Variants in PACS1 observed in about 807,000 individuals in gnomAD.
PACS1 encodes phosphofurin acidic cluster sorting protein 1.
A neutral mutation model predicts 115.0 loss-of-function variants in PACS1; 24 were observed. That is an observed-to-expected ratio of 0.21 (90% CI 0.15 to 0.29). PACS1 has a LOEUF of 0.29. PACS1 is among the 10% of genes least tolerant of loss of function. The probability of loss-of-function intolerance (pLI) is 1.00; values close to 1 mark genes in which losing one functional copy is unlikely to be tolerated. For missense variants in PACS1, 838 were observed against 1,251.2 expected, an observed-to-expected ratio of 0.67 and a Z score of 4.98; for synonymous variants, 453 against 504.5, an observed-to-expected ratio of 0.90 and a Z score of 1.37.
At chr11:66,145,053 A>C (rs17147371) in intron 1 of PACS1, among the ~76,000 whole-genome samples, 26,089 of 152,200 alleles carry the variant, frequency 0.17, 2,782 homozygotes, top group Admixed American at 0.3. Context: ...CAGAATCAGA[A>C]CTTTAGTAGT....
intron 2 of PACS1, among the ~76,000 whole-genome samples, chr11:66,194,050 G>A (rs1251683880): frequency 1.3e-5 from 2 of 152,214 alleles, no homozygotes; most frequent in Admixed American, 6.5e-5. Context: ...TGCAAGCTCC[G>A]CCTCCCGGGT....
chr11:66,218,776 C>G (rs748128557), intron 7 of PACS1: 5 of 151,222 alleles, frequency 3.3e-5, no homozygotes, highest in Non-Finnish European at 5.9e-5. Flanking sequence ...AGGAGAGTCA[C>G]TTGAACCAGG....
intron 1 of PACS1, among the ~76,000 whole-genome samples, chr11:66,094,353 A>T (rs1337511573): frequency 6.6e-6 from 1 of 150,838 alleles, no homozygotes; most frequent in African/African-American, 2.4e-5. Flanking sequence ...ATAAAAAATG[A>T]TAAAGGGGAT....
chr11:66,088,488 A>G (rs1178142759), intron 1 of PACS1, among the ~76,000 whole-genome samples: 1 of 152,180 alleles, frequency 6.6e-6, no homozygotes, highest in Non-Finnish European at 1.5e-5. Flanking sequence ...TCAACCCTGT[A>G]CCATTTATTT....
At chr11:66,094,498 A>G (rs1379205109) in intron 1 of PACS1, among the ~76,000 whole-genome samples, 5 of 151,810 alleles carry the variant, frequency 3.3e-5, no homozygotes, top group Non-Finnish European at 7.4e-5. Context: ...TAAACCAGGA[A>G]GAAGTTGAAT....
At chr11:66,153,596 A>G (rs1034283640) in intron 1 of PACS1, among the ~76,000 whole-genome samples, 22 of 152,144 alleles carry the variant, frequency 1.4e-4, no homozygotes, top group Admixed American at 1.4e-3. Context: ...CCTGGCTAAC[A>G]CGGTGAAACC....
Position 66,132,085 on chromosome 11 carries a change from C to T in PACS1, c.356+61243C>T, listed in dbSNP as rs1218140287. Reference sequence around the variant, plus strand: ...ATACTGATATAGGTTAGCTGTGTGTCCCCACTCAAATCTCATCTTGAATTG... The same window carrying T: ...ATACTGATATAGGTTAGCTGTGTGTTCCCACTCAAATCTCATCTTGAATTG... On this transcript the variant is annotated intron_variant, in intron 1 of 23. Transcript: ENST00000320580. 5.3e-5 allele frequency among the ~76,000 whole-genome samples: 8 copies of T among 152,206 alleles called. No individual in the cohort carries two copies. In the South Asian group the frequency reaches 1.5e-3, roughly 28 times the overall value.
chr11:66,205,365 CAAT>C (rs1472431239), intron 2 of PACS1, among the ~76,000 whole-genome samples: 1 of 151,680 alleles, frequency 6.6e-6, no homozygotes, highest in East Asian at 1.9e-4. Flanking sequence ...CGATTACAGT[CAAT>C]GATAATTTAT....
intron 2 of PACS1, among the ~76,000 whole-genome samples, chr11:66,194,765 A>G (rs1854611586): frequency 1.3e-5 from 2 of 152,138 alleles, no homozygotes; most frequent in Non-Finnish European, 2.9e-5. Flanking sequence ...TAACCAGAAT[A>G]TTTTATTAGC....
At position 66,070,969 on chromosome 11, in the gene PACS1, G is replaced by C; in HGVS notation, c.356+127G>C. On this transcript the variant is annotated intron_variant, in intron 1 of 23. Transcript: ENST00000320580. This position sits in a 1 kb window ranked among gnomAD's most constrained non-coding sequence, Gnocchi z 5.9. ...CCCGACTGTCCCGCGGCCCGGCCTGGCTCCAGCCAGGCCTCCCGGGACTCC... is the reference window on the plus strand; with the variant it reads ...CCCGACTGTCCCGCGGCCCGGCCTGCCTCCAGCCAGGCCTCCCGGGACTCC... The C allele has an allele frequency of 8.9e-6, 9 of 1,008,066 alleles. No individual in the cohort carries two copies. In the South Asian group the frequency reaches 1.9e-4, roughly 21 times the overall value. 62.4% of individuals were successfully genotyped at this position (1,008,066 alleles called of 1,614,324 possible).
intron 1 of PACS1, among the ~76,000 whole-genome samples, chr11:66,115,208 C>CA (rs71455703): frequency 0.33 from 26,311 of 79,858 alleles, 3,457 homozygotes; most frequent in African/African-American, 0.42. Context: ...GACCCTATCT[C>CA]AAAAAAAAAA....
chr11:66,181,068 A>G (rs1462185202), intron 1 of PACS1, among the ~76,000 whole-genome samples: 1 of 152,096 alleles, frequency 6.6e-6, no homozygotes, highest in African/African-American at 2.4e-5. Context: ...TGCAGAAGGA[A>G]TGTTCTGGTC....
At chr11:66,240,156 G>A (rs1012252120) in intron 21 of PACS1, among the ~76,000 whole-genome samples, 6 of 152,256 alleles carry the variant, frequency 3.9e-5, no homozygotes, top group African/African-American at 9.6e-5. Flanking sequence ...CTGCTGAGGC[G>A]CTAGAGCTGG....
intron 1 of PACS1, among the ~76,000 whole-genome samples, chr11:66,142,705 T>C (rs1859024115): frequency 6.8e-6 from 1 of 146,542 alleles, no homozygotes; most frequent in Admixed American, 6.9e-5. Flanking sequence ...TGAATGGGAG[T>C]GGGGCTCCTG....
At chr11:66,216,413 C>G in intron 5 of PACS1, 107 bp from the exon 6 acceptor site, 1 of 1,413,938 alleles carries the variant, frequency 7.1e-7, no homozygotes, top group Admixed American at 1.7e-5. Context: ...CTCCCCTCCA[C>G]CCTGGCTGTG....
At chr11:66,189,459 A>G (rs572049672) in intron 1 of PACS1, among the ~76,000 whole-genome samples, 6 of 152,358 alleles carry the variant, frequency 3.9e-5, no homozygotes, top group South Asian at 2.1e-4. Flanking sequence ...TAATTCTGCC[A>G]TATTATCCTA....
intron 1 of PACS1, among the ~76,000 whole-genome samples, chr11:66,185,638 G>T (rs955101902): frequency 6.6e-6 from 1 of 152,160 alleles, no homozygotes; most frequent in Non-Finnish European, 1.5e-5. Context: ...GACTTCCAGC[G>T]CACTGTAGCA....
intron 10 of PACS1, among the ~76,000 whole-genome samples, chr11:66,227,092 C>CA (rs1855482946): frequency 6.6e-6 from 1 of 152,176 alleles, no homozygotes; most frequent in African/African-American, 2.4e-5. Context: ...GTCTCAAAAT[C>CA]AAAGACCTGA....
chr11:66,194,478 T>C (rs1404666842), intron 2 of PACS1, among the ~76,000 whole-genome samples: 1 of 152,216 alleles, frequency 6.6e-6, no homozygotes, highest in Non-Finnish European at 1.5e-5. Flanking sequence ...AGCTGAATTA[T>C]AGAAGGGCTC....
Sources: allele counts gnomAD v4.1 joint callset (sites outside exome capture counted in the v4.1 genomes callset), GRCh38; gene constraint gnomAD v4.1.1; non-coding constraint Gnocchi (gnomAD v3.1); transcripts MANE v1.5; gene names NCBI Gene and HGNC (gene_info 2026-07-23, HGNC 2026-07-21).